OSBPL9: variants seen among roughly 807,000 people sequenced by gnomAD.
The protein encoded by OSBPL9 is oxysterol binding protein like 9, also known as oxysterol-binding protein-related protein 9.
A neutral mutation model predicts 106.6 loss-of-function variants in OSBPL9; 40 were observed. The observed-to-expected ratio is 0.38, with a 90% CI of 0.29 to 0.49. The LOEUF (loss-of-function observed/expected upper bound fraction) is 0.49, where lower values mean the gene tolerates loss of function less well. OSBPL9 is among the 20% of genes least tolerant of loss of function. OSBPL9 has a pLI of 0.97. For missense variants in OSBPL9, 609 were observed against 887.2 expected, an observed-to-expected ratio of 0.69 and a Z score of 3.98; for synonymous variants, 269 against 295.4, an observed-to-expected ratio of 0.91 and a Z score of 0.92.
chr1:51,737,968 C>T (rs1302117393), intron 4 of OSBPL9, among the ~76,000 whole-genome samples: 1 of 151,972 alleles, frequency 6.6e-6, no homozygotes, highest in Non-Finnish European at 1.5e-5. Context: ...GCTGAGACAA[C>T]CAGGCATAAA....
intron 17 of OSBPL9, among the ~76,000 whole-genome samples, chr1:51,783,584 G>A (rs1676903869): frequency 6.6e-6 from 1 of 152,192 alleles, no homozygotes. Context: ...GGTTTGTTTA[G>A]TGCAGTATTA....
chr1:51,556,780 T>C, the OSBPL9 span, among the ~76,000 whole-genome samples: 1 of 132,250 alleles, frequency 7.6e-6, no homozygotes, highest in African/African-American at 2.5e-5. Flanking sequence ...AGTGAGACTC[T>C]GTCTCAAAGA....
intron 3 of OSBPL9, among the ~76,000 whole-genome samples, chr1:51,696,561 T>G (rs1162182492): frequency 6.6e-6 from 1 of 152,200 alleles, no homozygotes; most frequent in African/African-American, 2.4e-5. Context: ...CCAACAAGAT[T>G]AGTGATTATG....
intron 3 of OSBPL9, among the ~76,000 whole-genome samples, chr1:51,672,989 A>G (rs1157654943): frequency 3.9e-5 from 6 of 152,242 alleles, no homozygotes; most frequent in Admixed American, 3.9e-4. Context: ...ATTGGCACAT[A>G]GATGGTATTG....
intron 8 of OSBPL9, chr1:51,752,473 G>C: frequency 2.2e-6 from 1 of 453,408 alleles, no homozygotes; most frequent in Non-Finnish European, 4.4e-6. Context: ...ATATTTGTTT[G>C]TTTATCTCTT....
intron 4 of OSBPL9, among the ~76,000 whole-genome samples, chr1:51,723,594 T>G (rs1456169089): frequency 6.6e-6 from 1 of 152,158 alleles, no homozygotes; most frequent in African/African-American, 2.4e-5. Flanking sequence ...TTGCCCAGGC[T>G]GGAGTGCAGT....
At chr1:51,543,753 A>G in the OSBPL9 span, among the ~76,000 whole-genome samples, 2 of 152,216 alleles carry the variant, frequency 1.3e-5, no homozygotes, top group African/African-American at 4.8e-5. Context: ...TCTAACTCAA[A>G]GCAGAGAAGA....
chr1:51,719,327 TC>T (rs1661632909), intron 4 of OSBPL9, among the ~76,000 whole-genome samples: 1 of 152,332 alleles, frequency 6.6e-6, no homozygotes, highest in East Asian at 1.9e-4. Context: ...AAGAGGAAGT[TC>T]CTTGAAGGGG....
At chr1:51,655,225 G>A (rs1646746505) in intron 2 of OSBPL9, among the ~76,000 whole-genome samples, 1 of 152,128 alleles carries the variant, frequency 6.6e-6, no homozygotes, top group African/African-American at 2.4e-5. Context: ...TTATCTGGAG[G>A]CTCTGAAGAA....
At chr1:51,670,695 G>T (rs1649662430) in intron 3 of OSBPL9, among the ~76,000 whole-genome samples, 1 of 152,144 alleles carries the variant, frequency 6.6e-6, no homozygotes, top group South Asian at 2.1e-4. Flanking sequence ...ATTCAGAGCT[G>T]CTTTAATAAC....
chr1:51,584,426 A>G (rs1645236595), intron 1 of OSBPL9, among the ~76,000 whole-genome samples: 1 of 152,100 alleles, frequency 6.6e-6, no homozygotes, highest in African/African-American at 2.4e-5. Context: ...AAGGCCTTGC[A>G]TGGCCAGGTG....
In OSBPL9 at chr1:51,781,032, CTG is replaced by C. The variant is rs1249443186; in HGVS notation, c.1257-130_1257-129del. 16 of 666,570 alleles carry C rather than the reference CTG, an allele frequency of 2.4e-5. No individual in the cohort carries two copies. In the African/African-American group the frequency reaches 2.7e-4, roughly 11 times the overall value. 41.3% of individuals were successfully genotyped at this position (666,570 alleles called of 1,614,324 possible). ...TATTATACTCAATTTTAAAATGAAA[CTG>C]TAAGCTAACTCCTGGTCCTAGGTCC... On this transcript the variant is annotated intron_variant, in intron 15 of 23. Transcript: ENST00000428468.
the OSBPL9 span, among the ~76,000 whole-genome samples, chr1:51,523,569 G>A: frequency 1.3e-5 from 2 of 151,992 alleles, no homozygotes; most frequent in South Asian, 2.1e-4. Flanking sequence ...ATTCAAATGC[G>A]CTTTTTCCTG....
chr1:51,645,308 A>G (rs889299282), intron 1 of OSBPL9, among the ~76,000 whole-genome samples: 1 of 152,058 alleles, frequency 6.6e-6, no homozygotes, highest in Non-Finnish European at 1.5e-5. Flanking sequence ...CAAAATATCT[A>G]CTCACATCCT....
intron 2 of OSBPL9, among the ~76,000 whole-genome samples, chr1:51,608,679 G>GC (rs935495519): frequency 1.3e-4 from 14 of 110,790 alleles, no homozygotes; most frequent in African/African-American, 4.7e-4. Flanking sequence ...TCCTGGATTG[G>GC]GGGGGGGGGC....
the OSBPL9 span, among the ~76,000 whole-genome samples, chr1:51,549,799 C>G: frequency 6.6e-6 from 1 of 152,238 alleles, no homozygotes; most frequent in Non-Finnish European, 1.5e-5. Flanking sequence ...TGCCACTGCA[C>G]TCCAGCCTGG....
chr1:51,653,914 A>C (rs1646668792), intron 2 of OSBPL9, among the ~76,000 whole-genome samples: 1 of 152,146 alleles, frequency 6.6e-6, no homozygotes, highest in East Asian at 1.9e-4. Context: ...AGGCAGGAGG[A>C]TCACTTGAGC....
At chr1:51,780,514 A>C (rs1182210430) in intron 15 of OSBPL9, among the ~76,000 whole-genome samples, 2 of 152,218 alleles carry the variant, frequency 1.3e-5, no homozygotes, top group African/African-American at 4.8e-5. Flanking sequence ...GCATATATAT[A>C]CTGTGGAATG....
At chr1:51,672,418 A>G (rs576807354) in intron 3 of OSBPL9, among the ~76,000 whole-genome samples, 1 of 152,338 alleles carries the variant, frequency 6.6e-6, no homozygotes, top group South Asian at 2.1e-4. Context: ...TTATTTACTC[A>G]TGACTACCAC....
Sources: allele counts gnomAD v4.1 joint callset (sites outside exome capture counted in the v4.1 genomes callset), GRCh38; gene constraint gnomAD v4.1.1; transcripts MANE v1.5; gene names NCBI Gene and HGNC (gene_info 2026-07-23, HGNC 2026-07-21).